Variants in SOS1 observed in about 807,000 individuals in gnomAD.
The protein encoded by SOS1 is SOS Ras/Rac guanine nucleotide exchange factor 1.
Under a neutral mutation model 157.6 loss-of-function variants are expected in SOS1, and 25 were observed. The observed-to-expected ratio is 0.16, with a 90% CI of 0.12 to 0.22. SOS1 has a LOEUF of 0.22. Ranked by LOEUF, SOS1 falls within the 10% of genes least tolerant of loss-of-function variation. The pLI, the probability that SOS1 is intolerant of heterozygous loss-of-function variation, is 1.00. For missense variants in SOS1, 1,237 were observed against 1,599.1 expected (o/e 0.77, Z 3.86); for synonymous variants, 528 against 534.0 (o/e 0.99, Z 0.16).
At chr2:39,106,609 AAAAACAAAAC>A (rs1237114793) in intron 1 of SOS1, among the ~76,000 whole-genome samples, 1 of 149,686 alleles carries the variant, frequency 6.7e-6, no homozygotes, top group African/African-American at 2.5e-5. Context: ...AAACAAAAAA[AAAAACAAAAC>A]ATCTGAGTAA....
chr2:39,076,790 A>G (rs1162435396), intron 1 of SOS1, among the ~76,000 whole-genome samples: 4 of 152,218 alleles, frequency 2.6e-5, no homozygotes, highest in African/African-American at 9.6e-5. Flanking sequence ...GTCCTAGCCA[A>G]TAAGATAAAA....
chr2:39,114,697 C>T (rs551109772), intron 1 of SOS1, among the ~76,000 whole-genome samples: 2 of 151,922 alleles, frequency 1.3e-5, no homozygotes, highest in South Asian at 4.2e-4. Context: ...CTCCAACTCC[C>T]AGGATTCTTG....
chr2:38,996,251 G>A (rs1572805579), intron 19 of SOS1, among the ~76,000 whole-genome samples: 1 of 152,104 alleles, frequency 6.6e-6, no homozygotes, highest in South Asian at 2.1e-4. Context: ...CACCATGTCT[G>A]GCTAAGTTTT....
intron 10 of SOS1, among the ~76,000 whole-genome samples, chr2:39,020,922 A>C (rs1306589243): frequency 6.6e-6 from 1 of 151,646 alleles, no homozygotes; most frequent in African/African-American, 2.4e-5. Context: ...TAGCCACAAC[A>C]CTGGCCTTTT....
chr2:39,003,976 T>TA lies in SOS1; in HGVS notation c.2791+2435dup, dbSNP rs545294540. On this transcript the variant is annotated intron_variant, in intron 17 of 22. Coordinates refer to ENST00000402219, the MANE Select transcript of SOS1 (RefSeq NM_005633.4). ...GTAGCACCATCCCAATTAGGACAAT[T>TA]AAAAAAAAATTGTCTCCAGGCATTG... 4.5e-3 allele frequency among the ~76,000 whole-genome samples: 683 copies of TA among 151,608 alleles called. 10 individuals are homozygous for TA. The highest frequency in any genetic ancestry group is 0.015 in the African/African-American group (625 of 41,324).
chr2:39,025,859 T>G (rs1019071884), intron 8 of SOS1, among the ~76,000 whole-genome samples: 7 of 152,246 alleles, frequency 4.6e-5, no homozygotes, highest in South Asian at 2.1e-4. Context: ...CTTACTTATA[T>G]TCTAAACCAT....
chr2:39,070,036 A>G (rs1015539621), intron 1 of SOS1, among the ~76,000 whole-genome samples: 27 of 152,296 alleles, frequency 1.8e-4, no homozygotes, highest in African/African-American at 6.5e-4. Flanking sequence ...AGTGTGTACT[A>G]CAGCCCAGAA....
At chr2:39,060,903 C>T (rs1485738946) in intron 2 of SOS1, among the ~76,000 whole-genome samples, 2 of 147,492 alleles carry the variant, frequency 1.4e-5, no homozygotes, top group Admixed American at 1.4e-4. Context: ...CTCAACCTAA[C>T]AATTAATTCT....
intron 17 of SOS1, among the ~76,000 whole-genome samples, chr2:39,001,382 C>T (rs1669093138): frequency 6.6e-6 from 1 of 152,150 alleles, no homozygotes; most frequent in African/African-American, 2.4e-5. Context: ...CATTTCTTAG[C>T]CCACCTATCC....
intron 22 of SOS1, among the ~76,000 whole-genome samples, chr2:38,986,527 G>A (rs1428572760): frequency 6.6e-6 from 1 of 151,632 alleles, no homozygotes; most frequent in Non-Finnish European, 1.5e-5. Context: ...GTGCAGTGGT[G>A]CAATCATGGC....
rs1668510249 is a variant in SOS1 at position 38,985,001 on chromosome 2, T to C, written c.*823A>G. 6.6e-6 allele frequency: 1 copy of C among 152,120 alleles called. No homozygotes were observed. 9.4% of individuals were successfully genotyped at this position (152,120 alleles called of 1,614,324 possible). A position where few individuals can be genotyped will look rare whatever the true frequency, so the allele number is the denominator to read the frequency against. On this transcript the variant is annotated 3_prime_UTR_variant, in exon 23 of 23. Coordinates refer to ENST00000402219, the MANE Select transcript of SOS1 (RefSeq NM_005633.4). Reference sequence around the variant, plus strand: ...ACTTCTGTGGGAGAAGGAGGGAAAATGACAATCTAGCATAGATGAACAGTC... The same window carrying C: ...ACTTCTGTGGGAGAAGGAGGGAAAACGACAATCTAGCATAGATGAACAGTC...
intron 3 of SOS1, 100 bp downstream of exon 3, chr2:39,058,573 T>G (rs1671294764): frequency 7.7e-7 from 1 of 1,295,432 alleles, no homozygotes; most frequent in African/African-American, 1.5e-5. Context: ...AATTTTACTC[T>G]TAAGTTGACT....
rs62142829 is a variant in SOS1, at chr2:39,117,818, T to C, written c.87+2518A>G. Among the ~76,000 whole-genome samples, 122 of 152,322 alleles carry C rather than the reference T, an allele frequency of 8.0e-4. 2 individuals are homozygous for C. Among genetic ancestry groups the C allele is most frequent in the Middle Eastern group, 3.4e-3 (1 of 294 alleles). ...GGGAAATGAACATACAGGCTCTACC[T>C]GAGTGTGCACAGTAATACAAAGAAG... On this transcript the variant is annotated intron_variant, in intron 1 of 22. Coordinates refer to ENST00000402219, the MANE Select transcript of SOS1 (RefSeq NM_005633.4).
chr2:38,997,400 T>C lies in SOS1; in HGVS notation c.2817A>G (p.Lys939=). The C allele has an allele frequency of 6.2e-7, 1 of 1,609,296 alleles. No individual in the cohort carries two copies. The highest frequency in any genetic ancestry group is 8.5e-7 in the Non-Finnish European group (1 of 1,176,136). The change falls in exon 18 of 23, where the codon AAA becomes AAG. Residue 939 remains lysine (K), a synonymous_variant. Transcript: ENST00000402219. ...GGACCTCAGGGTTGCCTTCTTCTGTTTTCAAGATATTAGTGAGATAAATTC... is the reference window on the plus strand; with the variant it reads ...GGACCTCAGGGTTGCCTTCTTCTGTCTTCAAGATATTAGTGAGATAAATTC... ...FFGIYLTNIL[K]TEEGNPEVLK... is the part of the protein sequence containing the mutation.
At chr2:39,047,380 G>C (rs865796411) in intron 6 of SOS1, among the ~76,000 whole-genome samples, 11 of 152,258 alleles carry the variant, frequency 7.2e-5, no homozygotes, top group African/African-American at 2.4e-4. Context: ...ATATGCCCAA[G>C]AGTTAAAATG....
At chr2:39,073,212 T>C (rs1572871947) in intron 1 of SOS1, among the ~76,000 whole-genome samples, 1 of 152,222 alleles carries the variant, frequency 6.6e-6, no homozygotes, top group Non-Finnish European at 1.5e-5. Flanking sequence ...TCAGAAGCCA[T>C]GTACAGCTGA....
intron 1 of SOS1, among the ~76,000 whole-genome samples, chr2:39,108,058 T>C (rs1247651712): frequency 6.6e-6 from 1 of 152,160 alleles, no homozygotes; most frequent in African/African-American, 2.4e-5. Flanking sequence ...CCTCTCCCAA[T>C]ATTCCCCCTT....
intron 1 of SOS1, among the ~76,000 whole-genome samples, chr2:39,106,692 A>G (rs1673203473): frequency 6.6e-6 from 1 of 151,958 alleles, no homozygotes; most frequent in Non-Finnish European, 1.5e-5. Flanking sequence ...TCCACTCCCA[A>G]CTCCAACAGG....
chr2:39,041,443 A>G (rs1454365314), intron 6 of SOS1, among the ~76,000 whole-genome samples: 1 of 152,192 alleles, frequency 6.6e-6, no homozygotes, highest in Non-Finnish European at 1.5e-5. Flanking sequence ...CTCTTATCAG[A>G]AATATCATTT....
Sources: allele counts gnomAD v4.1 joint callset (sites outside exome capture counted in the v4.1 genomes callset), GRCh38; gene constraint gnomAD v4.1.1; transcripts MANE v1.5; gene names NCBI Gene and HGNC (gene_info 2026-07-23, HGNC 2026-07-21).